Variants in SMAD9 observed in about 807,000 individuals in gnomAD.
The protein encoded by SMAD9 is SMAD family member 9.
SMAD9 carries 36 observed loss-of-function variants against 46.1 expected under a neutral mutation model. That is an observed-to-expected ratio of 0.78 (90% CI 0.60 to 1.03). The LOEUF (loss-of-function observed/expected upper bound fraction) is 1.03. Ranked by LOEUF, SMAD9 falls within the 50% of genes least tolerant of loss-of-function variation. SMAD9 has a pLI of 0.00. For synonymous variants in SMAD9, 245 were observed against 237.1 expected, an observed-to-expected ratio of 1.03 and a Z score of -0.31; for missense variants, 572 against 599.8, an observed-to-expected ratio of 0.95 and a Z score of 0.48.
Position 36,867,325 on chromosome 13 carries a change from T to G in SMAD9, c.729A>C (p.Gln243His), listed in dbSNP as rs1274834551. ...GTCTATCAGCTGTGGCATCTACAGGTTGGCCACTCTGGGTCTCAGAGGCTT... is the reference window on the plus strand; with the variant it reads ...GTCTATCAGCTGTGGCATCTACAGGGTGGCCACTCTGGGTCTCAGAGGCTT... ...ATEASETQSGQPVDATADRHV... is the reference protein window; with the variant it reads ...ATEASETQSGHPVDATADRHV... Residue 243 changes from glutamine to histidine, a missense_variant, in exon 4 of 7, where the codon CAA (glutamine) becomes CAC (histidine). By Grantham distance (24) the Gln-to-His change is conservative (BLOSUM62 0). Transcript: ENST00000379826. 32 of 1,551,302 alleles carry G rather than the reference T, an allele frequency of 2.1e-5. No homozygotes were observed. Among genetic ancestry groups the G allele is most frequent in the Non-Finnish European group, 2.7e-5 (31 of 1,146,804 alleles).
intron 5 of SMAD9, among the ~76,000 whole-genome samples, chr13:36,855,050 T>C (rs929056431): frequency 5.3e-5 from 8 of 151,792 alleles, no homozygotes; most frequent in African/African-American, 1.7e-4. Context: ...GAGGTCAAGG[T>C]AGGTGAATCA....
intron 1 of SMAD9, among the ~76,000 whole-genome samples, chr13:36,898,542 A>C (rs1013087127): frequency 7.2e-5 from 11 of 152,222 alleles, no homozygotes; most frequent in Non-Finnish European, 1.6e-4. Context: ...CCAGCAGTAT[A>C]GAAAGGACTA....
intron 1 of SMAD9, among the ~76,000 whole-genome samples, chr13:36,897,841 T>C (rs888403363): frequency 6.7e-6 from 1 of 149,064 alleles, no homozygotes; most frequent in East Asian, 2.0e-4. Context: ...AACAGAAATG[T>C]CCTGTGTCTT....
chr13:36,851,448 C>G (rs1398092896), intron 6 of SMAD9, among the ~76,000 whole-genome samples: 1 of 152,204 alleles, frequency 6.6e-6, no homozygotes, highest in Non-Finnish European at 1.5e-5. Flanking sequence ...GCTCCAATTC[C>G]CTTCACCCTG....
In SMAD9 at chr13:36,847,029, A is replaced by T. The variant is rs886050159; in HGVS notation, c.*1647T>A. 8.5e-5 allele frequency: 13 copies of T among 152,194 alleles called. No individual in the cohort carries two copies. The highest frequency in any genetic ancestry group is 8.5e-4 in the Admixed American group (13 of 15,276). 9.4% of individuals were successfully genotyped at this position (152,194 alleles called of 1,614,324 possible). A position where few individuals can be genotyped will look rare whatever the true frequency, so the allele number is the denominator to read the frequency against. ...TAAACTACAGATTTTTCTATACACT[A>T]CATGGGCCATATATTACATTTTTCA... is the stretch of plus-strand genomic sequence containing the variant. On this transcript the variant is annotated 3_prime_UTR_variant, in exon 7 of 7. Transcript: ENST00000379826.
intron 1 of SMAD9, among the ~76,000 whole-genome samples, chr13:36,885,744 A>T (rs2058439852): frequency 6.6e-6 from 1 of 151,766 alleles, no homozygotes; most frequent in Non-Finnish European, 1.5e-5. Flanking sequence ...GGACATTTGA[A>T]TTGTATGCTC....
intron 1 of SMAD9, among the ~76,000 whole-genome samples, chr13:36,908,223 C>T (rs1003585515): frequency 6.6e-6 from 1 of 152,156 alleles, no homozygotes; most frequent in East Asian, 1.9e-4. Flanking sequence ...TTTTCTGTTT[C>T]ACAACCATCC....
In SMAD9 at chr13:36,880,249, T is replaced by C. The variant is rs754927097; in HGVS notation, c.-186-374A>G. 2.0e-5 allele frequency among the ~76,000 whole-genome samples: 3 copies of C among 152,278 alleles called. No individual in the cohort carries two copies. The South Asian group carries it at 6.2e-4, about 32-fold the overall frequency. ...GACTCACCACACCACTTCTCTGAAGTAGCATCTCTCTTTCTCTCTTTCAAT... is the reference window on the plus strand; with the variant it reads ...GACTCACCACACCACTTCTCTGAAGCAGCATCTCTCTTTCTCTCTTTCAAT... On this transcript the variant is annotated intron_variant, in intron 1 of 6. Transcript: ENST00000379826.
chr13:36,859,804 T>C (rs1225438256), intron 5 of SMAD9, among the ~76,000 whole-genome samples: 1 of 151,484 alleles, frequency 6.6e-6, no homozygotes, highest in Non-Finnish European at 1.5e-5. Context: ...CTACTAAAAA[T>C]ACAAAATTAG....
chr13:36,861,375 C>T, intron 5 of SMAD9, among the ~76,000 whole-genome samples: 1 of 151,770 alleles, frequency 6.6e-6, no homozygotes, highest in East Asian at 2.0e-4. Context: ...AGTGCAATGG[C>T]ACAGTCTTGG....
At chr13:36,877,086 A>C (rs2058351720) in intron 2 of SMAD9, among the ~76,000 whole-genome samples, 1 of 152,190 alleles carries the variant, frequency 6.6e-6, no homozygotes, top group South Asian at 2.1e-4. Context: ...ACTAAAGGCC[A>C]GGTATGGTGG....
intron 1 of SMAD9, among the ~76,000 whole-genome samples, chr13:36,910,885 A>G (rs1051119919): frequency 2.0e-5 from 3 of 152,218 alleles, no homozygotes; most frequent in African/African-American, 7.2e-5. Context: ...CTATCAGGCC[A>G]CAAGCCAAGC....
chr13:36,878,050 AATCT>A (rs1055648631), intron 2 of SMAD9, among the ~76,000 whole-genome samples: 11 of 152,178 alleles, frequency 7.2e-5, no homozygotes, highest in African/African-American at 2.7e-4. Flanking sequence ...AGAAACACTC[AATCT>A]AAGAGAATCA....
At chr13:36,873,292 T>A (rs568304939) in intron 2 of SMAD9, among the ~76,000 whole-genome samples, 1 of 152,196 alleles carries the variant, frequency 6.6e-6, no homozygotes, top group Non-Finnish European at 1.5e-5. Context: ...GCAACCTGAT[T>A]GTTACGTCTT....
intron 1 of SMAD9, among the ~76,000 whole-genome samples, chr13:36,897,083 A>G (rs1002646294): frequency 2.0e-5 from 3 of 152,172 alleles, no homozygotes; most frequent in African/African-American, 7.2e-5. Flanking sequence ...ATCTGGAGGC[A>G]TTTTCCCTCT....
intron 1 of SMAD9, among the ~76,000 whole-genome samples, chr13:36,885,864 A>G (rs1405730355): frequency 6.6e-6 from 1 of 152,134 alleles, no homozygotes; most frequent in Middle Eastern, 3.2e-3. Context: ...AAAAAACAAC[A>G]ACACTGAATT....
At chr13:36,900,881 A>G (rs2138632898) in intron 1 of SMAD9, among the ~76,000 whole-genome samples, 1 of 152,324 alleles carries the variant, frequency 6.6e-6, no homozygotes, top group South Asian at 2.1e-4. Context: ...GTTCCAAAAC[A>G]TTTTGATCAC....
At chr13:36,916,922 A>T (rs542180301) in intron 1 of SMAD9, among the ~76,000 whole-genome samples, 15 of 151,716 alleles carry the variant, frequency 9.9e-5, no homozygotes, top group Non-Finnish European at 2.1e-4. Context: ...ACAGGAGAGG[A>T]AAGCCAGGGT....
At chr13:36,915,547 G>C (rs935489616) in intron 1 of SMAD9, among the ~76,000 whole-genome samples, 1 of 148,270 alleles carries the variant, frequency 6.7e-6, no homozygotes, top group African/African-American at 2.4e-5. Flanking sequence ...ATGAGACAAA[G>C]AGAGAGAGAG....
Sources: allele counts gnomAD v4.1 joint callset (sites outside exome capture counted in the v4.1 genomes callset), GRCh38; gene constraint gnomAD v4.1.1; transcripts MANE v1.5; gene names NCBI Gene and HGNC (gene_info 2026-07-23, HGNC 2026-07-21).